CPNE2: variants seen among roughly 807,000 people sequenced by gnomAD.
CPNE2 encodes copine-2.
In CPNE2, 42 loss-of-function variants were observed where a neutral mutation model predicts 69.7. The observed-to-expected ratio is 0.60, with a 90% CI of 0.47 to 0.78. The LOEUF is 0.78. Ranked by LOEUF, CPNE2 falls within the 30% of genes least tolerant of loss-of-function variation. The probability of loss-of-function intolerance (pLI) is 0.00; values close to 1 mark genes in which losing one functional copy is unlikely to be tolerated. For missense variants in CPNE2, 587 were observed against 732.0 expected (o/e 0.80, Z 2.29); for synonymous variants, 294 against 289.8 (o/e 1.01, Z -0.15).
chr16:57,107,579 G>A (rs1341230489), intron 1 of CPNE2, among the ~76,000 whole-genome samples: 2 of 152,182 alleles, frequency 1.3e-5, no homozygotes, highest in African/African-American at 4.8e-5. Context: ...ATGGTGGCTC[G>A]ATCCTTCCTG....
intron 10 of CPNE2, 153 bp downstream of exon 10, chr16:57,123,626 C>A: frequency 1.3e-6 from 1 of 763,256 alleles, no homozygotes; most frequent in Middle Eastern, 3.7e-4. Context: ...GTGAGGAGGG[C>A]ATAAGTGGGC....
intron 7 of CPNE2, among the ~76,000 whole-genome samples, chr16:57,120,456 TATAAAATAAA>T (rs1385132961): frequency 2.0e-5 from 3 of 149,852 alleles, no homozygotes; most frequent in East Asian, 2.0e-4. Context: ...AAAAAAAAAT[TATAAAATAAA>T]ATCAAATAAA....
In CPNE2 at chr16:57,092,917, C is replaced by G. The variant is rs1335952202; in HGVS notation, c.-36+127C>G. 1 of 151,932 alleles carries G rather than the reference C, an allele frequency of 6.6e-6. No individual in the cohort carries two copies. Among genetic ancestry groups the G allele is most frequent in the Admixed American group, 6.5e-5 (1 of 15,268 alleles). 9.4% of individuals were successfully genotyped at this position (151,932 alleles called of 1,614,324 possible). ...TTCCGCCTCGGGGGGCTGCGGCGCT[C>G]TAGCCCCCGCCGCCAGCGCGAACCC... is the stretch of plus-strand genomic sequence containing the variant. On this transcript the variant is annotated intron_variant, in intron 1 of 15. Coordinates refer to ENST00000290776, the MANE Select transcript of CPNE2 (RefSeq NM_152727.6). This position sits in a 1 kb window ranked among gnomAD's most constrained non-coding sequence, Gnocchi z 5.3.
intron 15 of CPNE2, chr16:57,147,034 CT>C (rs2069963857): frequency 6.5e-6 from 1 of 153,032 alleles, no homozygotes; most frequent in African/African-American, 2.4e-5. Flanking sequence ...GCCCTCACCT[CT>C]CTTCCCAGCA....
At chr16:57,126,516 G>A (rs903397513) in intron 11 of CPNE2, among the ~76,000 whole-genome samples, 1 of 151,872 alleles carries the variant, frequency 6.6e-6, no homozygotes. Context: ...TGGGTACCAC[G>A]GAAAGTCAGT....
intron 1 of CPNE2, among the ~76,000 whole-genome samples, chr16:57,097,873 C>A (rs1428677411): frequency 6.6e-6 from 1 of 152,232 alleles, no homozygotes; most frequent in Admixed American, 6.5e-5. Context: ...TCCGGAGAGC[C>A]ACAGCACTCC....
intron 4 of CPNE2, among the ~76,000 whole-genome samples, chr16:57,116,125 T>C (rs1273468706): frequency 1.3e-5 from 2 of 152,114 alleles, no homozygotes; most frequent in Non-Finnish European, 2.9e-5. Flanking sequence ...TGTTCCCGTG[T>C]GTTACTCCCC....
At chr16:57,115,629 G>A in intron 4 of CPNE2, 79 bp downstream of exon 4, 1 of 1,003,856 alleles carries the variant, frequency 1.0e-6, no homozygotes, top group South Asian at 1.6e-5. Context: ...CGCTTCCCTG[G>A]CAGATAATCA....
Position 57,104,609 on chromosome 16 carries a change from C to T in CPNE2, c.-35-6099C>T, listed in dbSNP as rs188284480. On this transcript the variant is annotated intron_variant, in intron 1 of 15. Coordinates refer to ENST00000290776, the MANE Select transcript of CPNE2 (RefSeq NM_152727.6). Reference sequence around the variant, plus strand: ...GATTAGGTGCTCACATATGCAGATACGGCCATAGGTGCTGGGGAAACAGTG... The same window carrying T: ...GATTAGGTGCTCACATATGCAGATATGGCCATAGGTGCTGGGGAAACAGTG... Among the ~76,000 whole-genome samples, 9 of 152,268 alleles carry T rather than the reference C, an allele frequency of 5.9e-5. No individual in the cohort carries two copies. In the East Asian group the frequency reaches 9.7e-4, roughly 16 times the overall value.
chr16:57,127,700 A>G (rs1047897178), intron 11 of CPNE2, 149 bp from the exon 12 acceptor site: 2 of 744,738 alleles, frequency 2.7e-6, no homozygotes, highest in Non-Finnish European at 4.6e-6. Flanking sequence ...CTCATTAGGT[A>G]GATGATCCTA....
At chr16:57,121,511 C>T (rs2069761761) in intron 8 of CPNE2, among the ~76,000 whole-genome samples, 163 bp from the exon 9 acceptor site, 1 of 152,152 alleles carries the variant, frequency 6.6e-6, no homozygotes, top group African/African-American at 2.4e-5. Context: ...GAGGCAGATG[C>T]TGATCCTGCT....
chr16:57,095,428 G>A (rs2069572653), intron 1 of CPNE2, among the ~76,000 whole-genome samples: 1 of 152,132 alleles, frequency 6.6e-6, no homozygotes, highest in Admixed American at 6.5e-5. Context: ...GAAGACTGCT[G>A]TTCCATACCC....
chr16:57,139,325 G>T (rs2069905025), intron 14 of CPNE2, among the ~76,000 whole-genome samples: 1 of 152,210 alleles, frequency 6.6e-6, no homozygotes, highest in Non-Finnish European at 1.5e-5. Flanking sequence ...GGTGACAGCT[G>T]ATCCATGGAG....
chr16:57,127,607 G>A (rs2069809507), intron 11 of CPNE2, among the ~76,000 whole-genome samples: 1 of 152,158 alleles, frequency 6.6e-6, no homozygotes, highest in Admixed American at 6.5e-5. Flanking sequence ...AGGCCCATTG[G>A]TTAGAAGTAC....
intron 1 of CPNE2, among the ~76,000 whole-genome samples, chr16:57,109,560 GT>G (rs2069667923): frequency 6.6e-6 from 1 of 152,018 alleles, no homozygotes; most frequent in Admixed American, 6.5e-5. Context: ...GGTTGCCCAT[GT>G]TTATGGTTAT....
intron 1 of CPNE2, among the ~76,000 whole-genome samples, chr16:57,096,151 G>A (rs1482045476): frequency 3.9e-5 from 6 of 152,182 alleles, no homozygotes; most frequent in Admixed American, 3.3e-4. Flanking sequence ...GGAGAATTAC[G>A]AGCTTGCCCT....
chr16:57,120,140 G>T (rs1483438785), intron 7 of CPNE2, among the ~76,000 whole-genome samples: 4 of 152,032 alleles, frequency 2.6e-5, no homozygotes, highest in African/African-American at 7.2e-5. Flanking sequence ...GAGCATGGCG[G>T]TGCACGCCTG....
At chr16:57,108,350 C>T (rs2069660652) in intron 1 of CPNE2, among the ~76,000 whole-genome samples, 1 of 152,188 alleles carries the variant, frequency 6.6e-6, no homozygotes, top group Admixed American at 6.5e-5. Flanking sequence ...GTGACATGCT[C>T]AATTAGTGCT....
rs1256146272 is a variant in CPNE2, at chr16:57,147,998, C to G, written c.*340C>G. 5 of 202,440 alleles carry G rather than the reference C, an allele frequency of 2.5e-5. No homozygotes were observed. Among genetic ancestry groups the G allele is most frequent in the Admixed American group, 6.0e-5 (1 of 16,764 alleles). The allele number at this position is 202,440 out of a possible 1,614,324, so 12.5% of individuals were successfully genotyped here. On this transcript the variant is annotated 3_prime_UTR_variant, in exon 16 of 16. Coordinates refer to ENST00000290776, the MANE Select transcript of CPNE2 (RefSeq NM_152727.6). ...TTTTCCAAGTAACTAGCTGCAGACTCTGATGAAAGAAACATGTCCTTGGTG... is the reference window on the plus strand; with the variant it reads ...TTTTCCAAGTAACTAGCTGCAGACTGTGATGAAAGAAACATGTCCTTGGTG...
Sources: gnomAD v4.1 joint callset for allele counts (sites outside exome capture counted in the v4.1 genomes callset) on GRCh38, gnomAD v4.1.1 for gene constraint, Gnocchi (gnomAD v3.1) non-coding constraint, MANE v1.5 for transcripts, NCBI Gene and HGNC (gene_info 2026-07-23, HGNC 2026-07-21) for gene names.